The following ANKS1B variants were observed in gnomAD, a reference collection of about 807,000 sequenced individuals.
ANKS1B encodes ankyrin repeat and sterile alpha motif domain containing 1B.
A neutral mutation model predicts 148.3 loss-of-function variants in ANKS1B; 36 were observed. The observed-to-expected ratio is 0.24, with a 90% CI of 0.19 to 0.32. The LOEUF (loss-of-function observed/expected upper bound fraction) is 0.32, where lower values mean the gene tolerates loss of function less well. Ranked by LOEUF, ANKS1B falls within the 10% of genes least tolerant of loss-of-function variation. The probability of loss-of-function intolerance (pLI) is 1.00; values close to 1 mark genes in which losing one functional copy is unlikely to be tolerated. For synonymous variants in ANKS1B, 542 were observed against 560.8 expected (o/e 0.97, Z 0.47); for missense variants, 1,157 against 1,542.6 (o/e 0.75, Z 4.19).
In ANKS1B at chr12:99,189,524, C is replaced by T. The variant is rs569125622; in HGVS notation, c.2420-35129G>A. On this transcript the variant is annotated intron_variant, in intron 14 of 26. Coordinates refer to ENST00000683438, the MANE Select transcript of ANKS1B (RefSeq NM_001352186.2). ...TCAAGTTGGCTTCATCCCTGGGATG[C>T]AAGGTTGGTTCAATATATATACAAA... Among the ~76,000 whole-genome samples, 11 of 152,280 alleles carry T rather than the reference C, an allele frequency of 7.2e-5. No homozygotes were observed. The East Asian group carries it at 2.1e-3, about 29-fold the overall frequency.
intron 4 of ANKS1B, among the ~76,000 whole-genome samples, chr12:99,803,810 T>C (rs1342216936): frequency 6.6e-6 from 1 of 152,170 alleles, no homozygotes; most frequent in Non-Finnish European, 1.5e-5. Context: ...CCTTCAAATG[T>C]CACTTCCATC....
intron 19 of ANKS1B, 138 bp from the exon 20 acceptor site, chr12:98,808,056 G>A (rs1302194253): frequency 3.2e-6 from 2 of 625,340 alleles, no homozygotes; most frequent in Non-Finnish European, 5.4e-6. Context: ...AATGTTTTAG[G>A]GTGCTCAAGG....
chr12:99,898,493 A>G (rs2093467055), intron 1 of ANKS1B, among the ~76,000 whole-genome samples: 1 of 152,226 alleles, frequency 6.6e-6, no homozygotes, highest in Admixed American at 6.5e-5. Context: ...TCTGTCTCTT[A>G]TCTAACTTCT....
chr12:99,840,030 T>C (rs115595946), intron 1 of ANKS1B, among the ~76,000 whole-genome samples: 2,030 of 152,138 alleles, frequency 0.013, 50 homozygotes, highest in African/African-American at 0.046. Flanking sequence ...AACACAGCAG[T>C]TGGAGAAGGC....
chr12:99,049,530 A>G (rs2099964613), intron 17 of ANKS1B, among the ~76,000 whole-genome samples: 1 of 152,168 alleles, frequency 6.6e-6, no homozygotes, highest in Non-Finnish European at 1.5e-5. Flanking sequence ...AATTAATGCA[A>G]AATTAGAAAG....
At chr12:99,533,972 C>T (rs2097032293) in intron 9 of ANKS1B, among the ~76,000 whole-genome samples, 1 of 152,074 alleles carries the variant, frequency 6.6e-6, no homozygotes, top group African/African-American at 2.4e-5. Flanking sequence ...CAAAACCTTC[C>T]AATCCCTGTG....
chr12:99,824,338 A>G (rs1035742620), intron 2 of ANKS1B, among the ~76,000 whole-genome samples: 1 of 152,030 alleles, frequency 6.6e-6, no homozygotes, highest in Non-Finnish European at 1.5e-5. Flanking sequence ...CGTCTCTACT[A>G]AAAATACAAA....
chr12:98,883,065 T>C (rs1428072609), intron 17 of ANKS1B, among the ~76,000 whole-genome samples: 3 of 152,192 alleles, frequency 2.0e-5, no homozygotes, highest in South Asian at 4.1e-4. Flanking sequence ...CTGAGTCTAT[T>C]TATTGAAAGG....
At chr12:99,585,899 T>G (rs908185503) in intron 9 of ANKS1B, among the ~76,000 whole-genome samples, 11 of 152,168 alleles carry the variant, frequency 7.2e-5, no homozygotes, top group Non-Finnish European at 1.3e-4. Flanking sequence ...AAATCATTTT[T>G]TCCTCCTGTC....
intron 12 of ANKS1B, among the ~76,000 whole-genome samples, chr12:99,266,242 C>T (rs2076428121): frequency 6.6e-6 from 1 of 152,088 alleles, no homozygotes; most frequent in African/African-American, 2.4e-5. Flanking sequence ...ATTTTCCAGA[C>T]AAGGAGACTG....
chr12:99,049,438 A>T (rs891794560), intron 17 of ANKS1B, among the ~76,000 whole-genome samples: 1 of 152,232 alleles, frequency 6.6e-6, no homozygotes, highest in Non-Finnish European at 1.5e-5. Context: ...ATGAAATAAA[A>T]ACTTCAAAGC....
At chr12:99,480,436 A>G (rs1311358076) in intron 10 of ANKS1B, among the ~76,000 whole-genome samples, 1 of 152,052 alleles carries the variant, frequency 6.6e-6, no homozygotes, top group African/African-American at 2.4e-5. Flanking sequence ...TTGATCTAAT[A>G]TAACAGGAAT....
At chr12:99,355,850 T>C (rs528586236) in intron 12 of ANKS1B, among the ~76,000 whole-genome samples, 2 of 152,176 alleles carry the variant, frequency 1.3e-5, no homozygotes, top group East Asian at 1.9e-4. Context: ...TGAATAATTA[T>C]AGTTATTGAT....
intron 9 of ANKS1B, among the ~76,000 whole-genome samples, chr12:99,506,623 C>G: frequency 6.6e-6 from 1 of 151,902 alleles, no homozygotes; most frequent in East Asian, 1.9e-4. Context: ...TATCCCTCAT[C>G]AACTATCCCA....
intron 8 of ANKS1B, among the ~76,000 whole-genome samples, chr12:99,726,446 T>C (rs1221816377): frequency 1.3e-5 from 2 of 152,090 alleles, no homozygotes; most frequent in African/African-American, 4.8e-5. Flanking sequence ...AGAAGTCGAA[T>C]CCATAAATAG....
At chr12:99,219,561 G>A (rs2084762992) in intron 14 of ANKS1B, among the ~76,000 whole-genome samples, 1 of 152,152 alleles carries the variant, frequency 6.6e-6, no homozygotes, top group Admixed American at 6.5e-5. Flanking sequence ...CTCTCTTACA[G>A]GTTAGCTGGG....
chr12:99,039,733 A>G (rs745711426), intron 17 of ANKS1B, among the ~76,000 whole-genome samples: 1 of 152,170 alleles, frequency 6.6e-6, no homozygotes, highest in Non-Finnish European at 1.5e-5. Flanking sequence ...GTATATGTGC[A>G]CAATGCGCAG....
At chr12:99,095,317 A>G (rs1028285164) in intron 15 of ANKS1B, among the ~76,000 whole-genome samples, 1 of 152,154 alleles carries the variant, frequency 6.6e-6, no homozygotes, top group Non-Finnish European at 1.5e-5. Flanking sequence ...CTTTAAAGCA[A>G]TGGTTGAACA....
At chr12:99,414,163 C>T (rs917437175) in intron 11 of ANKS1B, among the ~76,000 whole-genome samples, 2 of 151,826 alleles carry the variant, frequency 1.3e-5, no homozygotes, top group Non-Finnish European at 2.9e-5. Context: ...TAGGTTGAAA[C>T]ATATGAAACT....
Sources: gnomAD v4.1 joint callset for allele counts (sites outside exome capture counted in the v4.1 genomes callset) on GRCh38, gnomAD v4.1.1 for gene constraint, MANE v1.5 for transcripts, NCBI Gene and HGNC (gene_info 2026-07-23, HGNC 2026-07-21) for gene names.